Variants in SYNE1 observed in about 807,000 individuals in gnomAD.
SYNE1 encodes spectrin repeat containing nuclear envelope protein 1.
A neutral mutation model predicts 1,111.0 loss-of-function variants in SYNE1; 616 were observed. That is an observed-to-expected ratio of 0.55 (90% confidence interval 0.52 to 0.59). SYNE1 has a LOEUF of 0.59. Ranked by LOEUF, SYNE1 falls within the 20% of genes least tolerant of loss-of-function variation. The pLI is 0.00. For missense variants in SYNE1, 10,006 were observed against 10,417.0 expected, an observed-to-expected ratio of 0.96 and a Z score of 1.72; for synonymous variants, 3,855 against 3,825.8, an observed-to-expected ratio of 1.01 and a Z score of -0.28.
intron 102 of SYNE1, among the ~76,000 whole-genome samples, chr6:152,256,216 C>T (rs1055150945): frequency 5.3e-5 from 8 of 151,690 alleles, no homozygotes; most frequent in African/African-American, 9.7e-5. Context: ...GTCAGGAGAT[C>T]GAGACCATCC....
chr6:152,138,949 T>C (rs1480345570), intron 140 of SYNE1, among the ~76,000 whole-genome samples: 3 of 152,220 alleles, frequency 2.0e-5, no homozygotes, highest in Non-Finnish European at 4.4e-5. Context: ...TCTATAGTTT[T>C]ATTTATTACA....
At chr6:152,304,398 A>C (rs557166826) in intron 91 of SYNE1, among the ~76,000 whole-genome samples, 1 of 152,092 alleles carries the variant, frequency 6.6e-6, no homozygotes, top group Admixed American at 6.6e-5. Context: ...GCAGTGGCGC[A>C]ATCTCGGCTC....
intron 42 of SYNE1, among the ~76,000 whole-genome samples, chr6:152,411,731 C>CCCAACACA (rs1554649307): frequency 2.7e-5 from 4 of 149,474 alleles, no homozygotes; most frequent in East Asian, 2.0e-4. Flanking sequence ...ACACACACCC[C>CCCAACACA]CACACACACA....
intron 137 of SYNE1, chr6:152,147,609 G>A (rs746385208): frequency 3.5e-5 from 6 of 169,472 alleles, no homozygotes. Flanking sequence ...GAGCCCACCT[G>A]ACCAACTGCG....
At chr6:152,283,215 T>C (rs747165497) in intron 96 of SYNE1, among the ~76,000 whole-genome samples, 78 of 152,216 alleles carry the variant, frequency 5.1e-4, no homozygotes, top group Non-Finnish European at 2.1e-4. Flanking sequence ...TAAATAATAT[T>C]TAAATTAAGT....
Position 152,618,260 on chromosome 6 carries a change from G to A in SYNE1, c.67+10005C>T, listed in dbSNP as rs575713797. On this transcript the variant is annotated intron_variant, in intron 3 of 145. Coordinates refer to ENST00000367255, the MANE Select transcript of SYNE1 (RefSeq NM_182961.4). ...ATAATCTGTGAGAAGCCCCAGAAAAGTAAAGGAGCTGAAAAAGCAGGCCAT... is the reference window on the plus strand; with the variant it reads ...ATAATCTGTGAGAAGCCCCAGAAAAATAAAGGAGCTGAAAAAGCAGGCCAT... Among the ~76,000 whole-genome samples, 126 of 152,294 alleles carry A rather than the reference G, an allele frequency of 8.3e-4. No individual in the cohort carries two copies. In the Middle Eastern group the frequency reaches 0.014, roughly 16 times the overall value.
At chr6:152,403,200 G>T (rs571855121) in intron 46 of SYNE1, among the ~76,000 whole-genome samples, 2 of 152,166 alleles carry the variant, frequency 1.3e-5, no homozygotes, top group African/African-American at 4.8e-5. Context: ...AGCCAGTGGG[G>T]CTGCCAGCCA....
chr6:152,233,849 A>G lies in SYNE1; in HGVS notation c.20644T>C (p.Ser6882Pro). The G allele has an allele frequency of 6.2e-7, 1 of 1,614,192 alleles. No homozygotes were observed. The highest frequency in any genetic ancestry group is 8.5e-7 in the Non-Finnish European group (1 of 1,180,034). The stretch of plus-strand genomic sequence containing the variant: ...TCAGTCCACTGGCTATCAATGCGCG[A>G]CAGCTCAGAGCGCAGCGTGGCTGTG... ...VDTATLRSEL[S>P]RIDSQWTDLL... Residue 6882 changes from serine (S) to proline (P), a missense_variant, in exon 112 of 146, where the codon TCG (serine) becomes CCG (proline). Around this residue, in one of 7 missense-constraint regions of SYNE1, gnomAD observed 2,182 missense variants for 2,287.8 expected, o/e 0.95. Transcript: ENST00000367255.
At chr6:152,624,241 T>C (rs1366966180) in intron 3 of SYNE1, among the ~76,000 whole-genome samples, 1 of 152,178 alleles carries the variant, frequency 6.6e-6, no homozygotes, top group Non-Finnish European at 1.5e-5. Flanking sequence ...TTTTCTGGCA[T>C]TTACCACTTT....
intron 77 of SYNE1, among the ~76,000 whole-genome samples, chr6:152,333,056 C>T (rs2096284525): frequency 6.6e-6 from 1 of 152,178 alleles, no homozygotes; most frequent in African/African-American, 2.4e-5. Flanking sequence ...CCCAAATCCC[C>T]ACTATGATTT....
intron 12 of SYNE1, among the ~76,000 whole-genome samples, chr6:152,485,272 A>T (rs2098933180): frequency 6.6e-6 from 1 of 152,200 alleles, no homozygotes; most frequent in South Asian, 2.1e-4. Flanking sequence ...TAGAGGTAGG[A>T]CTAAAGCCTA....
chr6:152,400,682 T>C (rs1300689922), intron 47 of SYNE1, among the ~76,000 whole-genome samples: 1 of 151,966 alleles, frequency 6.6e-6, no homozygotes, highest in Admixed American at 6.6e-5. Flanking sequence ...AATAAAAAAA[T>C]AGAAAACATG....
chr6:152,170,864 G>A (rs568774705), intron 130 of SYNE1, among the ~76,000 whole-genome samples: 17 of 152,250 alleles, frequency 1.1e-4, no homozygotes, highest in East Asian at 3.9e-4. Context: ...ATTCCTATGC[G>A]TTGTGGAAGG....
At chr6:152,191,339 T>C (rs1041049293) in intron 127 of SYNE1, among the ~76,000 whole-genome samples, 16 of 152,118 alleles carry the variant, frequency 1.1e-4, no homozygotes, top group African/African-American at 2.6e-4. Flanking sequence ...TTTTTCAGAA[T>C]AGATTGAGTA....
rs764734461 is a variant in SYNE1, at chr6:152,369,090, A to G, written c.9689T>C (p.Leu3230Pro). 3.1e-6 allele frequency: 5 copies of G among 1,614,016 alleles called. No homozygotes were observed. In the South Asian group the frequency reaches 5.5e-5, roughly 18 times the overall value. Residue 3230 changes from leucine to proline, a missense_variant, in exon 61 of 146, where the codon CTC becomes CCC. By Grantham distance (98) the Leu-to-Pro change is moderately conservative. Around this residue, in one of 7 missense-constraint regions of SYNE1, gnomAD observed 4,955 missense variants for 5,017.2 expected, o/e 0.99. Transcript: ENST00000367255. ...CTGAGCTTTCTCTTTCAGCCTGTTG[A>G]GCTGAGGCTCGTAGCAGTGTATTTC... The part of the protein sequence containing the change: ...LEEIHCYEPQ[L>P]NRLKEKAQQL...
At chr6:152,337,806 T>G (rs1007323292) in intron 75 of SYNE1, among the ~76,000 whole-genome samples, 11 of 152,196 alleles carry the variant, frequency 7.2e-5, no homozygotes, top group African/African-American at 2.4e-4. Flanking sequence ...CTTCACTGGT[T>G]TTTGAAGCTG....
intron 40 of SYNE1, among the ~76,000 whole-genome samples, chr6:152,418,240 C>T (rs2098194618): frequency 6.6e-6 from 1 of 152,098 alleles, no homozygotes; most frequent in Non-Finnish European, 1.5e-5. Flanking sequence ...GTTTTTTCTA[C>T]CTCCGTAATA....
chr6:152,344,777 A>G (rs971165242), intron 73 of SYNE1, among the ~76,000 whole-genome samples: 29 of 152,316 alleles, frequency 1.9e-4, no homozygotes, highest in Middle Eastern at 3.4e-3. Flanking sequence ...CCAGGGCAAA[A>G]ATAATCCAGA....
chr6:152,486,021 C>T (rs1031708752), intron 12 of SYNE1, among the ~76,000 whole-genome samples: 9 of 151,976 alleles, frequency 5.9e-5, no homozygotes, highest in Admixed American at 6.6e-5. Context: ...ATGGTGAAAG[C>T]CCGTCGCCAT....
Sources: gnomAD v4.1 joint callset for allele counts (sites outside exome capture counted in the v4.1 genomes callset) on GRCh38, gnomAD v4.1.1 for gene constraint, gnomAD v4.1.1 regional missense constraint, MANE v1.5 for transcripts, NCBI Gene and HGNC (gene_info 2026-07-23, HGNC 2026-07-21) for gene names.